The following LRRTM3 variants were observed in gnomAD, a reference collection of about 807,000 sequenced individuals.
The protein encoded by LRRTM3 is leucine rich repeat transmembrane neuronal 3.
A neutral mutation model predicts 44.7 loss-of-function variants in LRRTM3; 24 were observed. That is an observed-to-expected ratio of 0.54 (90% CI 0.39 to 0.76). LRRTM3 has a LOEUF of 0.76. Ranked by LOEUF, LRRTM3 falls within the 30% of genes least tolerant of loss-of-function variation. The pLI is 0.00. For synonymous variants in LRRTM3, 277 were observed against 278.7 expected, an observed-to-expected ratio of 0.99 and a Z score of 0.06; for missense variants, 587 against 702.2, an observed-to-expected ratio of 0.84 and a Z score of 1.85.
intron 2 of LRRTM3, among the ~76,000 whole-genome samples, chr10:67,070,630 C>A (rs1430406544): frequency 1.3e-5 from 2 of 151,810 alleles, no homozygotes; most frequent in African/African-American, 2.4e-5. Context: ...GCCTGTCTTC[C>A]CAGCTGCTTG....
intron 2 of LRRTM3, among the ~76,000 whole-genome samples, chr10:67,043,585 T>C (rs1854543970): frequency 6.6e-6 from 1 of 152,200 alleles, no homozygotes; most frequent in Non-Finnish European, 1.5e-5. Context: ...CCTCAGTCAT[T>C]GATGTGCTGA....
Position 66,960,184 on chromosome 10 carries a change from T to C in LRRTM3, c.1536+31732T>C, listed in dbSNP as rs557188625. On this transcript the variant is annotated intron_variant, in intron 2 of 2. Transcript: ENST00000361320. Reference sequence around the variant, plus strand: ...AACTTTATTTTTCATAAAGTGATTATAATAAAACCATTTTCACAATGAAAA... The same window carrying C: ...AACTTTATTTTTCATAAAGTGATTACAATAAAACCATTTTCACAATGAAAA... Among the ~76,000 whole-genome samples, 256 of 152,260 alleles carry C rather than the reference T, an allele frequency of 1.7e-3. 1 individual carries two copies. Among genetic ancestry groups the C allele is most frequent in the Non-Finnish European group, 2.9e-3 (195 of 68,002 alleles).
At chr10:67,049,891 G>A (rs1160833209) in intron 2 of LRRTM3, among the ~76,000 whole-genome samples, 1 of 152,110 alleles carries the variant, frequency 6.6e-6, no homozygotes, top group East Asian at 1.9e-4. Context: ...GTTATTCTAA[G>A]CATTAGTCTT....
At chr10:67,052,047 G>A (rs1046389593) in intron 2 of LRRTM3, among the ~76,000 whole-genome samples, 12 of 152,080 alleles carry the variant, frequency 7.9e-5, no homozygotes, top group Non-Finnish European at 1.2e-4. Flanking sequence ...GAGCCACCAC[G>A]CCTGGCCTAA....
intron 2 of LRRTM3, among the ~76,000 whole-genome samples, chr10:67,090,615 T>G (rs1746823984): frequency 6.6e-6 from 1 of 152,138 alleles, no homozygotes; most frequent in Non-Finnish European, 1.5e-5. Flanking sequence ...TTTTCTCAAC[T>G]GTTAGTCTTA....
chr10:66,991,203 A>G (rs994014495), intron 2 of LRRTM3, among the ~76,000 whole-genome samples: 5 of 152,162 alleles, frequency 3.3e-5, no homozygotes, highest in Non-Finnish European at 5.9e-5. Context: ...AAATGTCACT[A>G]TGCCAGGTTT....
chr10:66,931,162 T>C (rs1847364127), intron 2 of LRRTM3, among the ~76,000 whole-genome samples: 1 of 137,278 alleles, frequency 7.3e-6, no homozygotes, highest in South Asian at 2.3e-4. Context: ...TTACATAAAA[T>C]ATTGGACTTC....
chr10:67,099,525 T>A lies in LRRTM3; in HGVS notation c.*1729T>A, dbSNP rs1858211430. 6.6e-6 allele frequency: 1 copy of A among 152,218 alleles called. No individual in the cohort carries two copies. Among genetic ancestry groups the A allele is most frequent in the East Asian group, 1.9e-4 (1 of 5,172 alleles). The allele number at this position is 152,218 out of a possible 1,614,324, so 9.4% of individuals were successfully genotyped here. ...TTTTATCTCTTCCAAAGAAGTTATATCTATAAAATCTAGTTTTATGCAGGT... is the reference window on the plus strand; with the variant it reads ...TTTTATCTCTTCCAAAGAAGTTATAACTATAAAATCTAGTTTTATGCAGGT... On this transcript the variant is annotated 3_prime_UTR_variant, in exon 3 of 3. Coordinates refer to ENST00000361320, the MANE Select transcript of LRRTM3 (RefSeq NM_178011.5).
intron 2 of LRRTM3, among the ~76,000 whole-genome samples, chr10:67,081,752 C>G (rs750797760): frequency 1.3e-5 from 2 of 152,176 alleles, no homozygotes; most frequent in Non-Finnish European, 2.9e-5. Context: ...AGTCTTCCTA[C>G]TTTTCTCTGA....
At chr10:67,097,061 T>G (rs1417408716) in intron 2 of LRRTM3, among the ~76,000 whole-genome samples, 1 of 151,894 alleles carries the variant, frequency 6.6e-6, no homozygotes, top group African/African-American at 2.4e-5. Context: ...TATAGGAACT[T>G]GTAAGACATG....
intron 2 of LRRTM3, among the ~76,000 whole-genome samples, chr10:67,028,020 T>C (rs1240051111): frequency 1.3e-5 from 2 of 152,198 alleles, no homozygotes; most frequent in Admixed American, 6.5e-5. Context: ...ATTAACTGTA[T>C]TTCATATGTG....
At chr10:66,943,519 CTTT>C (rs34477836) in intron 2 of LRRTM3, among the ~76,000 whole-genome samples, 2 of 141,502 alleles carry the variant, frequency 1.4e-5, no homozygotes, top group Non-Finnish European at 3.1e-5. Context: ...TTCCCCCACC[CTTT>C]TTTTTTTTTT....
intron 2 of LRRTM3, among the ~76,000 whole-genome samples, chr10:67,079,865 AC>A: frequency 4.5e-5 from 1 of 22,056 alleles, no homozygotes; most frequent in Non-Finnish European, 7.6e-5. Flanking sequence ...CAAAACACAC[AC>A]ACACACACAC....
intron 2 of LRRTM3, among the ~76,000 whole-genome samples, chr10:66,963,711 T>G (rs1218824600): frequency 1.3e-5 from 2 of 152,036 alleles, no homozygotes; most frequent in Admixed American, 6.6e-5. Context: ...AGACCAAGAC[T>G]CTATTCATGA....
chr10:66,990,900 T>G (rs1851003664), intron 2 of LRRTM3, among the ~76,000 whole-genome samples: 1 of 152,216 alleles, frequency 6.6e-6, no homozygotes, highest in Non-Finnish European at 1.5e-5. Flanking sequence ...AGAACTCTAG[T>G]TAATTTGTTT....
intron 2 of LRRTM3, among the ~76,000 whole-genome samples, chr10:67,042,729 A>G (rs944529521): frequency 6.6e-6 from 1 of 152,114 alleles, no homozygotes; most frequent in Non-Finnish European, 1.5e-5. Flanking sequence ...TGATTGTCAT[A>G]GAAAAAGAAG....
intron 2 of LRRTM3, among the ~76,000 whole-genome samples, chr10:66,939,365 T>C (rs1309180382): frequency 1.3e-5 from 2 of 152,106 alleles, no homozygotes; most frequent in South Asian, 2.1e-4. Context: ...AACTTTTAAG[T>C]CAATCCATAC....
At chr10:66,931,410 T>C (rs1847384052) in intron 2 of LRRTM3, among the ~76,000 whole-genome samples, 1 of 152,198 alleles carries the variant, frequency 6.6e-6, no homozygotes, top group South Asian at 2.1e-4. Context: ...CAAGATATAT[T>C]GCATTGAAAT....
chr10:66,926,158 G>C lies in LRRTM3; in HGVS notation c.-426G>C, dbSNP rs1175869899. 4.3e-6 allele frequency: 2 copies of C among 461,914 alleles called. No homozygotes were observed. Among genetic ancestry groups the C allele is most frequent in the African/African-American group, 2.0e-5 (1 of 50,442 alleles). 28.6% of individuals were successfully genotyped at this position (461,914 alleles called of 1,614,324 possible). A position where few individuals can be genotyped will look rare whatever the true frequency, so the allele number is the denominator to read the frequency against. On this transcript the variant is annotated 5_prime_UTR_variant, in exon 1 of 3. Coordinates refer to ENST00000361320, the MANE Select transcript of LRRTM3 (RefSeq NM_178011.5). ...TGTGGCTGAACTGGGTGCTCATCAC[G>C]GGAACTGCTGGGGTATGGAATACAG...
Sources: allele counts gnomAD v4.1 joint callset (sites outside exome capture counted in the v4.1 genomes callset), GRCh38; gene constraint gnomAD v4.1.1; transcripts MANE v1.5; gene names NCBI Gene and HGNC (gene_info 2026-07-23, HGNC 2026-07-21).